The following PALM2AKAP2 variants were observed in gnomAD, a reference collection of about 807,000 sequenced individuals.
The protein encoded by PALM2AKAP2 is PALM2 and AKAP2 fusion.
Under a neutral mutation model 71.5 loss-of-function variants are expected in PALM2AKAP2, and 37 were observed. That is an observed-to-expected ratio of 0.52 (90% CI 0.40 to 0.68). The LOEUF (loss-of-function observed/expected upper bound fraction) is 0.68. PALM2AKAP2 is among the 30% of genes least tolerant of loss of function. PALM2AKAP2 has a pLI of 0.00. For missense variants in PALM2AKAP2, 1,224 were observed against 1,191.8 expected (o/e 1.03, Z -0.40); for synonymous variants, 468 against 478.8 (o/e 0.98, Z 0.29).
At chr9:109,682,217 C>A (rs890769106) in intron 1 of PALM2AKAP2, among the ~76,000 whole-genome samples, 2 of 152,148 alleles carry the variant, frequency 1.3e-5, no homozygotes, top group Non-Finnish European at 2.9e-5. Context: ...TAATGTAGCT[C>A]AAAACATAAT....
intron 1 of PALM2AKAP2, among the ~76,000 whole-genome samples, chr9:110,129,201 G>C (rs1039755662): frequency 2.6e-5 from 4 of 152,156 alleles, no homozygotes; most frequent in African/African-American, 9.7e-5. Context: ...AACTCTCCAG[G>C]GAGTTCATCT....
At chr9:110,014,821 T>A (rs1436415402) in intron 6 of PALM2AKAP2, among the ~76,000 whole-genome samples, 1 of 86,816 alleles carries the variant, frequency 1.2e-5, no homozygotes, top group African/African-American at 4.0e-5. Flanking sequence ...TATATATATA[T>A]ATATATATAT....
chr9:109,868,358 C>T (rs117292905), intron 2 of PALM2AKAP2, among the ~76,000 whole-genome samples: 370 of 152,310 alleles, frequency 2.4e-3, no homozygotes, highest in Admixed American at 6.7e-3. Context: ...TGACCACATT[C>T]CAATGGCCAG....
intron 1 of PALM2AKAP2, among the ~76,000 whole-genome samples, chr9:110,073,262 A>G (rs927119895): frequency 1.3e-5 from 2 of 152,168 alleles, no homozygotes; most frequent in African/African-American, 4.8e-5. Context: ...GTGTTTTCAG[A>G]CAAACACAAA....
At position 110,116,147 on chromosome 9, in the gene PALM2AKAP2, C is replaced by T. The variant is rs1458779973; in HGVS notation, c.157-19980C>T. On this transcript the variant is annotated intron_variant, in intron 1 of 3. Transcript: ENST00000374525. ...ATTGAGTAACAGAAGGGTAGGAATC[C>T]CATACATAATCAGTATGGAATTTGG... Among the ~76,000 whole-genome samples, 3 of 152,238 alleles carry T rather than the reference C, an allele frequency of 2.0e-5. No individual in the cohort carries two copies. In the East Asian group the frequency reaches 5.8e-4, roughly 29 times the overall value.
At chr9:109,704,356 T>A (rs1482520675) in intron 1 of PALM2AKAP2, among the ~76,000 whole-genome samples, 1 of 152,182 alleles carries the variant, frequency 6.6e-6, no homozygotes, top group African/African-American at 2.4e-5. Context: ...GCACGATGTG[T>A]AAATGATTGA....
At chr9:109,661,146 A>G (rs1037090713) in intron 1 of PALM2AKAP2, among the ~76,000 whole-genome samples, 3 of 152,108 alleles carry the variant, frequency 2.0e-5, no homozygotes, top group African/African-American at 7.2e-5. Context: ...TTCTTTTGCC[A>G]TGCAGAAGCT....
intron 6 of PALM2AKAP2, among the ~76,000 whole-genome samples, chr9:109,975,398 T>C (rs977280000): frequency 2.6e-5 from 4 of 152,260 alleles, no homozygotes; most frequent in African/African-American, 9.6e-5. Context: ...TGTGTTCTAT[T>C]CTGGCCTTCA....
At chr9:109,768,371 A>T (rs962081) in intron 1 of PALM2AKAP2, among the ~76,000 whole-genome samples, 26,288 of 151,992 alleles carry the variant, frequency 0.17, 2,449 homozygotes, top group South Asian at 0.32. Flanking sequence ...TTATTCTTAA[A>T]TTTTTTATTG....
chr9:109,933,282 G>T (rs576553120), intron 6 of PALM2AKAP2, among the ~76,000 whole-genome samples: 34 of 152,272 alleles, frequency 2.2e-4, no homozygotes, highest in Middle Eastern at 3.4e-3. Flanking sequence ...GTACTCCAGG[G>T]TACACTTCTG....
At chr9:110,146,361 G>T (rs750750039) in intron 2 of PALM2AKAP2, among the ~76,000 whole-genome samples, 4 of 152,174 alleles carry the variant, frequency 2.6e-5, no homozygotes, top group Non-Finnish European at 5.9e-5. Context: ...TGCTGATTGT[G>T]CTGGGTCTTC....
chr9:109,951,478 C>T (rs1831640571), intron 6 of PALM2AKAP2, among the ~76,000 whole-genome samples: 1 of 152,242 alleles, frequency 6.6e-6, no homozygotes, highest in Non-Finnish European at 1.5e-5. Flanking sequence ...CTGCATCTAC[C>T]TCTGTGTGTC....
chr9:109,872,997 A>G (rs886641850), intron 2 of PALM2AKAP2, among the ~76,000 whole-genome samples: 4 of 152,248 alleles, frequency 2.6e-5, no homozygotes, highest in Non-Finnish European at 5.9e-5. Context: ...GGACTGAAGC[A>G]TATAACAAAA....
At chr9:110,081,320 C>T (rs373349843) in intron 1 of PALM2AKAP2, among the ~76,000 whole-genome samples, 4 of 152,104 alleles carry the variant, frequency 2.6e-5, no homozygotes, top group African/African-American at 4.8e-5. Context: ...ACAACTCGCA[C>T]CAGAGCATTT....
At chr9:109,649,724 A>C (rs544367811) in intron 1 of PALM2AKAP2, among the ~76,000 whole-genome samples, 1 of 152,348 alleles carries the variant, frequency 6.6e-6, no homozygotes, top group African/African-American at 2.4e-5. Context: ...CAAACCTACT[A>C]TTTGCCCAAG....
At chr9:110,018,841 C>A (rs1421084107) in intron 7 of PALM2AKAP2, among the ~76,000 whole-genome samples, 7 of 152,108 alleles carry the variant, frequency 4.6e-5, no homozygotes, top group Non-Finnish European at 1.5e-5. Context: ...TTGTTTCCCA[C>A]CCCACATTGC....
chr9:109,750,179 G>C (rs948388477), intron 1 of PALM2AKAP2, among the ~76,000 whole-genome samples: 3 of 152,158 alleles, frequency 2.0e-5, no homozygotes, highest in African/African-American at 4.8e-5. Flanking sequence ...TCCCTGACTT[G>C]AGACAAAGGC....
intron 1 of PALM2AKAP2, among the ~76,000 whole-genome samples, chr9:109,736,306 A>G (rs1003309284): frequency 1.3e-5 from 2 of 152,218 alleles, no homozygotes; most frequent in African/African-American, 4.8e-5. Flanking sequence ...AGCGACAATG[A>G]ACATGAGAGA....
intron 1 of PALM2AKAP2, among the ~76,000 whole-genome samples, chr9:110,097,332 A>G (rs1363447287): frequency 6.8e-6 from 1 of 147,222 alleles, no homozygotes; most frequent in Non-Finnish European, 1.5e-5. Flanking sequence ...AACAAAATGA[A>G]AAGTCTCCCA....
Sources: allele counts gnomAD v4.1 joint callset (sites outside exome capture counted in the v4.1 genomes callset), GRCh38; gene constraint gnomAD v4.1.1; transcripts MANE v1.5; gene names NCBI Gene and HGNC (gene_info 2026-07-23, HGNC 2026-07-21).